The following NKAIN3 variants were observed in gnomAD, a reference collection of about 807,000 sequenced individuals.
NKAIN3 encodes sodium/potassium-transporting ATPase subunit beta-1-interacting protein 3.
NKAIN3 carries 25 observed loss-of-function variants against 30.2 expected under a neutral mutation model. The observed-to-expected ratio is 0.83, with a 90% CI of 0.60 to 1.16. The LOEUF is 1.16. Ranked by LOEUF, NKAIN3 falls within the 50% of genes most tolerant of loss-of-function variation. NKAIN3 has a pLI of 0.00. For synonymous variants in NKAIN3, 91 were observed against 89.6 expected, an observed-to-expected ratio of 1.02 and a Z score of -0.09; for missense variants, 225 against 254.1, an observed-to-expected ratio of 0.89 and a Z score of 0.78.
chr8:62,967,568 C>T lies in NKAIN3; in HGVS notation c.*2161C>T, dbSNP rs1823740886. Among the ~76,000 whole-genome samples, 1 of 152,040 alleles carries T rather than the reference C, an allele frequency of 6.6e-6. No individual in the cohort carries two copies. On this transcript the variant is annotated 3_prime_UTR_variant, in exon 7 of 7. Transcript: ENST00000623646. ...ACAAACTCTGTTTTTTAAAAAGCAGCTGGGAAAACCTTGCCCAAGTTTAAA... is the reference window on the plus strand; with the variant it reads ...ACAAACTCTGTTTTTTAAAAAGCAGTTGGGAAAACCTTGCCCAAGTTTAAA...
rs570551579 is a variant in NKAIN3 at position 62,696,691 on chromosome 8, G to A, written c.274-50241G>A. Among the ~76,000 whole-genome samples, 13 of 151,892 alleles carry A rather than the reference G, an allele frequency of 8.6e-5. No individual in the cohort carries two copies. The South Asian group carries it at 2.7e-3, about 31-fold the overall frequency. ...TAAAAAAAAAAAGAAACAATAAATTGTAACGTACAAAACGAATAATTCTAA... is the reference window on the plus strand; with the variant it reads ...TAAAAAAAAAAAGAAACAATAAATTATAACGTACAAAACGAATAATTCTAA... On this transcript the variant is annotated intron_variant, in intron 3 of 6. Coordinates refer to ENST00000623646, the MANE Select transcript of NKAIN3 (RefSeq NM_001304533.3).
intron 3 of NKAIN3, among the ~76,000 whole-genome samples, chr8:62,683,271 T>C (rs1400736186): frequency 6.6e-6 from 1 of 152,130 alleles, no homozygotes; most frequent in Non-Finnish European, 1.5e-5. Context: ...CCTGACCTCG[T>C]GATCCGCCCA....
intron 1 of NKAIN3, among the ~76,000 whole-genome samples, chr8:62,491,828 C>A (rs143127133): frequency 6.6e-6 from 1 of 151,788 alleles, no homozygotes; most frequent in Non-Finnish European, 1.5e-5. Context: ...GAAAGGAGGA[C>A]TGAGAATGGA....
At chr8:62,370,570 C>T (rs969184040) in intron 1 of NKAIN3, among the ~76,000 whole-genome samples, 3 of 151,876 alleles carry the variant, frequency 2.0e-5, no homozygotes, top group African/African-American at 7.2e-5. Flanking sequence ...AGTACCTTGA[C>T]CATATTTATT....
At chr8:62,310,527 A>G (rs1814394519) in intron 1 of NKAIN3, among the ~76,000 whole-genome samples, 1 of 150,632 alleles carries the variant, frequency 6.6e-6, no homozygotes, top group Non-Finnish European at 1.5e-5. Flanking sequence ...TTCCTACCCT[A>G]CAGTTGCTGC....
intron 3 of NKAIN3, among the ~76,000 whole-genome samples, chr8:62,692,672 T>C (rs1468831017): frequency 6.6e-6 from 1 of 152,232 alleles, no homozygotes; most frequent in Non-Finnish European, 1.5e-5. Context: ...TTATTATTTC[T>C]CTAATGTTTA....
In NKAIN3 at chr8:62,753,332, C is replaced by T. The variant is rs191883389; in HGVS notation, c.471+6203C>T. ...TCTATTATCAATTAATGTCATCCTA[C>T]AGTGCTGTATTTTACTCATTTAGCA... On this transcript the variant is annotated intron_variant, in intron 4 of 6. Transcript: ENST00000623646. 8.6e-4 allele frequency among the ~76,000 whole-genome samples: 130 copies of T among 152,034 alleles called. 2 individuals are homozygous for T. The highest frequency in any genetic ancestry group is 4.4e-3 in the Admixed American group (67 of 15,262).
At chr8:62,762,160 A>T (rs1215804606) in intron 4 of NKAIN3, among the ~76,000 whole-genome samples, 1 of 152,100 alleles carries the variant, frequency 6.6e-6, no homozygotes, top group Non-Finnish European at 1.5e-5. Context: ...TACTAAAAAT[A>T]TAAAAATTAG....
chr8:62,619,470 A>C (rs1811558376), intron 3 of NKAIN3, among the ~76,000 whole-genome samples: 1 of 152,200 alleles, frequency 6.6e-6, no homozygotes, highest in African/African-American at 2.4e-5. Flanking sequence ...GAAAATTGTT[A>C]AATCTACCTA....
intron 4 of NKAIN3, among the ~76,000 whole-genome samples, chr8:62,879,506 C>G (rs994319768): frequency 6.6e-6 from 1 of 152,160 alleles, no homozygotes; most frequent in Non-Finnish European, 1.5e-5. Flanking sequence ...TGCAGAAGCT[C>G]TTTAGCTGTT....
chr8:62,389,368 G>C (rs980903204), intron 1 of NKAIN3, among the ~76,000 whole-genome samples: 8 of 152,194 alleles, frequency 5.3e-5, no homozygotes, highest in African/African-American at 1.9e-4. Flanking sequence ...TAGCTGTTTT[G>C]AAATGGAAAG....
intron 3 of NKAIN3, among the ~76,000 whole-genome samples, chr8:62,731,823 A>G (rs1815478086): frequency 6.6e-6 from 1 of 152,102 alleles, no homozygotes; most frequent in Non-Finnish European, 1.5e-5. Flanking sequence ...TCCCTCCCTC[A>G]CAAGTCTTTC....
chr8:62,564,414 G>C (rs985988136), intron 1 of NKAIN3, among the ~76,000 whole-genome samples: 9 of 152,040 alleles, frequency 5.9e-5, no homozygotes, highest in African/African-American at 2.2e-4. Context: ...ACCCGACCAG[G>C]CATTTTTAAA....
chr8:62,405,259 C>A (rs1249458819), intron 1 of NKAIN3, among the ~76,000 whole-genome samples: 2 of 152,216 alleles, frequency 1.3e-5, no homozygotes, highest in Admixed American at 6.5e-5. Context: ...TTTGGCCACC[C>A]CTGCTGGCGT....
chr8:62,656,589 T>G (rs775934335), intron 3 of NKAIN3, among the ~76,000 whole-genome samples: 1 of 152,210 alleles, frequency 6.6e-6, no homozygotes, highest in Non-Finnish European at 1.5e-5. Context: ...CTTCACTTTA[T>G]AGATGGTCTT....
At position 62,589,648 on chromosome 8, in the gene NKAIN3, A is replaced by G. The variant is rs1241214262; in HGVS notation, c.193-66A>G. On this transcript the variant is annotated intron_variant, in intron 2 of 6. Coordinates refer to ENST00000623646, the MANE Select transcript of NKAIN3 (RefSeq NM_001304533.3). ...TTATTGACATTTTTATTATTGATTT[A>G]TTTGATATACATGCCTTTCATCTCC... 1.6e-5 allele frequency: 11 copies of G among 669,160 alleles called. No individual in the cohort carries two copies. In the East Asian group the frequency reaches 3.0e-4, roughly 19 times the overall value. The allele number at this position is 669,160 out of a possible 1,614,324, so 41.5% of individuals were successfully genotyped here.
rs111861478 is a variant in NKAIN3, at chr8:62,574,978, A to G, written c.55-4561A>G. ...GGTGTAGAAGGAATTACCTCAACAA[A>G]TAAAAGCCATATACAATGGACCAAC... On this transcript the variant is annotated intron_variant, in intron 1 of 6. Coordinates refer to ENST00000623646, the MANE Select transcript of NKAIN3 (RefSeq NM_001304533.3). Among the ~76,000 whole-genome samples the G allele has an allele frequency of 3.1e-3, 476 of 152,226 alleles. 1 individual carries two copies. The highest frequency in any genetic ancestry group is 0.01 in the African/African-American group (417 of 41,552).
At position 62,990,455 on chromosome 8, in the gene NKAIN3, C is replaced by T. The variant is rs969044056; in HGVS notation, c.533-8776C>T. 3.3e-5 allele frequency: 26 copies of T among 781,162 alleles called. No individual in the cohort carries two copies. The East Asian group carries it at 1.1e-3, about 33-fold the overall frequency. The allele number at this position is 781,162 out of a possible 1,614,324, so 48.4% of individuals were successfully genotyped here. ...ATTTACATTGATTCCTAAAGATTGC[C>T]ATTGCTTTGTATAAAATGTTATAAA... is the stretch of plus-strand genomic sequence containing the variant. On this transcript the variant is annotated intron_variant, in intron 5 of 5. Transcript: ENST00000519049.
intron 1 of NKAIN3, among the ~76,000 whole-genome samples, chr8:62,330,288 G>C (rs1163250288): frequency 6.6e-6 from 1 of 151,778 alleles, no homozygotes; most frequent in Admixed American, 6.6e-5. Context: ...AGTTAGAGGA[G>C]AGCCACTGAA....
Sources: allele counts gnomAD v4.1 joint callset (sites outside exome capture counted in the v4.1 genomes callset), GRCh38; gene constraint gnomAD v4.1.1; transcripts MANE v1.5; gene names NCBI Gene and HGNC (gene_info 2026-07-23, HGNC 2026-07-21).